Variants in ARHGEF3 observed in about 807,000 individuals in gnomAD.
The protein encoded by ARHGEF3 is Rho guanine nucleotide exchange factor 3.
A neutral mutation model predicts 63.2 loss-of-function variants in ARHGEF3; 28 were observed. That is an observed-to-expected ratio of 0.44 (90% CI 0.33 to 0.61). The LOEUF (loss-of-function observed/expected upper bound fraction) is 0.61. Ranked by LOEUF, ARHGEF3 falls within the 20% of genes least tolerant of loss-of-function variation. The pLI is 0.03. For synonymous variants in ARHGEF3, 266 were observed against 254.2 expected, an observed-to-expected ratio of 1.05 and a Z score of -0.44; for missense variants, 533 against 659.3, an observed-to-expected ratio of 0.81 and a Z score of 2.10.
At chr3:56,883,627 A>C (rs1197872522) in intron 3 of ARHGEF3, among the ~76,000 whole-genome samples, 1 of 152,104 alleles carries the variant, frequency 6.6e-6, no homozygotes, top group Non-Finnish European at 1.5e-5. Context: ...AAATAAATGT[A>C]ATCTATAAGC....
intron 3 of ARHGEF3, among the ~76,000 whole-genome samples, chr3:56,950,176 C>T (rs1699731918): frequency 6.6e-6 from 1 of 152,028 alleles, no homozygotes; most frequent in Non-Finnish European, 1.5e-5. Flanking sequence ...ACTATAAAAA[C>T]CCTAGAAGAA....
intron 3 of ARHGEF3, among the ~76,000 whole-genome samples, chr3:56,947,796 A>G (rs901892733): frequency 6.6e-6 from 1 of 152,048 alleles, no homozygotes; most frequent in African/African-American, 2.4e-5. Context: ...CATCTACAGA[A>G]CTCTCCACCC....
At chr3:56,920,552 C>T (rs1177613897) in intron 3 of ARHGEF3, among the ~76,000 whole-genome samples, 1 of 152,200 alleles carries the variant, frequency 6.6e-6, no homozygotes, top group East Asian at 1.9e-4. Flanking sequence ...ATTACTTCTT[C>T]ATTAAAAGTT....
chr3:56,768,919 CCAGA>C (rs1373292353), intron 2 of ARHGEF3, among the ~76,000 whole-genome samples: 1 of 152,100 alleles, frequency 6.6e-6, no homozygotes, highest in Non-Finnish European at 1.5e-5. Flanking sequence ...AGCAGATCAC[CCAGA>C]CAGAGATAAG....
chr3:56,758,191 G>C (rs2035204563), intron 2 of ARHGEF3, among the ~76,000 whole-genome samples: 1 of 151,482 alleles, frequency 6.6e-6, no homozygotes, highest in Admixed American at 6.6e-5. Context: ...TGAGGCAGAA[G>C]AATTGCTTGA....
At chr3:57,068,080 A>G (rs1705663866) in intron 1 of ARHGEF3, among the ~76,000 whole-genome samples, 1 of 152,078 alleles carries the variant, frequency 6.6e-6, no homozygotes, top group Non-Finnish European at 1.5e-5. Flanking sequence ...GGCCAAGGCA[A>G]GAGGATCACT....
intron 4 of ARHGEF3, among the ~76,000 whole-genome samples, chr3:56,854,206 CA>C (rs899979796): frequency 1.3e-5 from 2 of 151,544 alleles, no homozygotes; most frequent in Admixed American, 6.6e-5. Flanking sequence ...AAAAACAAAA[CA>C]AAAAAACAAT....
intron 4 of ARHGEF3, among the ~76,000 whole-genome samples, chr3:56,857,777 T>C (rs536337650): frequency 5.3e-5 from 8 of 152,318 alleles, no homozygotes; most frequent in African/African-American, 1.7e-4. Flanking sequence ...CCTCTTACTA[T>C]GTTGCCCAGG....
At chr3:56,950,879 CA>C (rs1252249914) in intron 3 of ARHGEF3, among the ~76,000 whole-genome samples, 14 of 151,994 alleles carry the variant, frequency 9.2e-5, no homozygotes, top group African/African-American at 3.4e-4. Flanking sequence ...GGAACCAACC[CA>C]AATGTCCAAC....
intron 2 of ARHGEF3, among the ~76,000 whole-genome samples, chr3:56,759,852 T>G (rs1477433976): frequency 2.0e-5 from 3 of 152,218 alleles, no homozygotes; most frequent in Non-Finnish European, 2.9e-5. Flanking sequence ...AGCCTACAAT[T>G]AACCATTTTT....
rs752632082 is a variant in ARHGEF3 at position 56,737,256 on chromosome 3, G to T, written c.970C>A (p.Gln324Lys). The T allele has an allele frequency of 2.5e-6, 4 of 1,613,914 alleles. No homozygotes were observed. The highest frequency in any genetic ancestry group is 3.4e-6 in the Non-Finnish European group (4 of 1,179,870). The change falls in exon 8 of 10, where the codon CAG (glutamine) becomes AAG (lysine). Residue 324 changes from glutamine (Q) to lysine (K), a missense_variant. By Grantham distance (53) the Gln-to-Lys change is moderately conservative (BLOSUM62 1). This residue lies in a region of ARHGEF3 where 151 missense variants were observed against 190.7 expected (regional missense o/e 0.79). Transcript: ENST00000296315. Reference sequence around the variant, plus strand: ...GAGCTGTCGATCAGGGAGTCTTTCTGGCCTTCTTCCAAGTAAAGAAGCCGC... The same window carrying T: ...GAGCTGTCGATCAGGGAGTCTTTCTTGCCTTCTTCCAAGTAAAGAAGCCGC... ...KERLLYLEEG[Q>K]KDSLIDSSRV...
chr3:57,064,862 A>T (rs893315530), intron 1 of ARHGEF3, among the ~76,000 whole-genome samples: 2 of 152,236 alleles, frequency 1.3e-5, no homozygotes, highest in African/African-American at 4.8e-5. Context: ...GATTGGTTGC[A>T]CAATAATATC....
chr3:56,861,551 G>A (rs554434357), intron 4 of ARHGEF3, among the ~76,000 whole-genome samples: 49 of 152,164 alleles, frequency 3.2e-4, no homozygotes, highest in Non-Finnish European at 6.0e-4. Flanking sequence ...AGGCTTCAAA[G>A]TTCCCTGAGC....
intron 4 of ARHGEF3, among the ~76,000 whole-genome samples, chr3:56,841,655 A>G (rs1183025587): frequency 6.6e-6 from 1 of 152,234 alleles, no homozygotes; most frequent in Non-Finnish European, 1.5e-5. Flanking sequence ...GCATTTAATT[A>G]GAAAAATTCT....
intron 1 of ARHGEF3, among the ~76,000 whole-genome samples, chr3:57,068,968 C>G (rs953134532): frequency 6.7e-6 from 1 of 149,334 alleles, no homozygotes; most frequent in Non-Finnish European, 1.5e-5. Context: ...ATCACCCAAG[C>G]TGGAGTGCTA....
chr3:56,901,115 C>A (rs1467334576), intron 3 of ARHGEF3, among the ~76,000 whole-genome samples: 1 of 152,328 alleles, frequency 6.6e-6, no homozygotes, highest in East Asian at 1.9e-4. Context: ...CCAATTATAA[C>A]AACCCTATGC....
chr3:56,859,535 C>T (rs909026805), intron 4 of ARHGEF3, among the ~76,000 whole-genome samples: 4 of 144,040 alleles, frequency 2.8e-5, no homozygotes, highest in African/African-American at 7.6e-5. Context: ...CTTGGTACAC[C>T]TTTTTTTTTT....
In ARHGEF3 at chr3:56,923,798, T is replaced by C. The variant is rs372279076; in HGVS notation, c.129+35025A>G. Among the ~76,000 whole-genome samples, 11 of 152,254 alleles carry C rather than the reference T, an allele frequency of 7.2e-5. No homozygotes were observed. The East Asian group carries it at 1.2e-3, about 16-fold the overall frequency. On this transcript the variant is annotated intron_variant, in intron 3 of 12. Coordinates refer to the ARHGEF3 transcript ENST00000338458. ...GGTGTGTTCATGTGTACATGAAGAA[T>C]TGGTATTGCCACTTTTTCTCCCTTA...
Position 56,967,435 on chromosome 3 carries a change from TAA to T in ARHGEF3, c.63-8548_63-8547del, listed in dbSNP as rs1491364569. 6.3e-4 allele frequency among the ~76,000 whole-genome samples: 49 copies of T among 77,388 alleles called. 3 individuals are homozygous for T. The highest frequency in any genetic ancestry group is 2.7e-3 in the African/African-American group (49 of 18,466). The allele number at this position is 77,388 out of a possible 152,430, so 50.8% of individuals were successfully genotyped here. On this transcript the variant is annotated intron_variant, in intron 2 of 12. Transcript: ENST00000338458. ...TATATTATACATATTATATATTATA[TAA>T]TATATTATATATTATACATATTATA...
Sources: gnomAD v4.1 joint callset for allele counts (sites outside exome capture counted in the v4.1 genomes callset) on GRCh38, gnomAD v4.1.1 for gene constraint, gnomAD v4.1.1 regional missense constraint, MANE v1.5 for transcripts, NCBI Gene and HGNC (gene_info 2026-07-23, HGNC 2026-07-21) for gene names.